The following RARB variants were observed in gnomAD, a reference collection of about 807,000 sequenced individuals.
RARB encodes retinoic acid receptor beta.
RARB carries 17 observed loss-of-function variants against 51.9 expected under a neutral mutation model. The ratio of observed to expected loss-of-function variants is 0.33; its 90% CI spans 0.22 to 0.49. The LOEUF is 0.49. Among genes scored for constraint, RARB ranks in the 20% least tolerant of loss-of-function variants. The pLI, the probability that RARB is intolerant of heterozygous loss-of-function variation, is 0.99. For missense variants in RARB, 369 were observed against 550.8 expected, an observed-to-expected ratio of 0.67 and a Z score of 3.30; for synonymous variants, 215 against 195.4, an observed-to-expected ratio of 1.10 and a Z score of -0.84.
At chr3:24,944,928 G>T (rs1284115259) in intron 2 of RARB, among the ~76,000 whole-genome samples, 2 of 152,126 alleles carry the variant, frequency 1.3e-5, no homozygotes, top group African/African-American at 4.8e-5. Flanking sequence ...AGGGTTTGGA[G>T]GAGCTTAAAC....
At chr3:25,198,517 T>C (rs1352912796) in intron 5 of RARB, among the ~76,000 whole-genome samples, 2 of 151,956 alleles carry the variant, frequency 1.3e-5, no homozygotes, top group Admixed American at 1.3e-4. Flanking sequence ...TTGCAAACTA[T>C]CCATCTGACA....
chr3:25,151,960 G>A (rs951914839), intron 4 of RARB, among the ~76,000 whole-genome samples: 2 of 151,840 alleles, frequency 1.3e-5, no homozygotes, highest in African/African-American at 2.4e-5. Flanking sequence ...CCTGGGCAAC[G>A]TGAGCAGAGG....
At chr3:25,222,804 T>C (rs1701975631) in intron 5 of RARB, among the ~76,000 whole-genome samples, 1 of 152,200 alleles carries the variant, frequency 6.6e-6, no homozygotes, top group Non-Finnish European at 1.5e-5. Context: ...TGATTTTTTA[T>C]TCTCACCTTC....
chr3:25,084,630 G>A (rs1699071967), intron 3 of RARB, among the ~76,000 whole-genome samples: 1 of 151,924 alleles, frequency 6.6e-6, no homozygotes, highest in Admixed American at 6.6e-5. Flanking sequence ...CCATTTTAAA[G>A]GAGATGTATG....
At chr3:24,968,574 A>G (rs1019446880) in intron 2 of RARB, among the ~76,000 whole-genome samples, 1 of 152,066 alleles carries the variant, frequency 6.6e-6, no homozygotes, top group Non-Finnish European at 1.5e-5. Context: ...GGTGACCTGG[A>G]GATTGGTTAG....
At chr3:25,459,883 G>A (rs1695088878) in intron 1 of RARB, among the ~76,000 whole-genome samples, 1 of 152,112 alleles carries the variant, frequency 6.6e-6, no homozygotes, top group Non-Finnish European at 1.5e-5. Context: ...TCTCCTTCCC[G>A]ATTTCCATCT....
At chr3:24,898,037 C>T (rs1351872901) in intron 2 of RARB, among the ~76,000 whole-genome samples, 1 of 152,110 alleles carries the variant, frequency 6.6e-6, no homozygotes, top group African/African-American at 2.4e-5. Flanking sequence ...CTTTAGACCT[C>T]ATGGTTTATT....
At chr3:24,906,634 G>A (rs1047377849) in intron 2 of RARB, among the ~76,000 whole-genome samples, 3 of 152,018 alleles carry the variant, frequency 2.0e-5, no homozygotes, top group Non-Finnish European at 4.4e-5. Flanking sequence ...CCTGAGGTCA[G>A]GAGCTCGAGA....
chr3:25,208,986 C>T (rs533712342), intron 5 of RARB, among the ~76,000 whole-genome samples: 9 of 152,312 alleles, frequency 5.9e-5, no homozygotes, highest in Admixed American at 2.0e-4. Flanking sequence ...CTAATGTTTG[C>T]AAACAAACAT....
chr3:24,896,552 C>A (rs906146319), intron 2 of RARB, among the ~76,000 whole-genome samples: 7 of 152,146 alleles, frequency 4.6e-5, no homozygotes, highest in African/African-American at 1.4e-4. Flanking sequence ...AGCCACCGCG[C>A]CTGGCCCTGG....
intron 2 of RARB, among the ~76,000 whole-genome samples, chr3:24,998,973 A>T (rs1697101596): frequency 6.6e-6 from 1 of 152,252 alleles, no homozygotes; most frequent in African/African-American, 2.4e-5. Flanking sequence ...TACCCTAAAA[A>T]TGAAAAAACT....
chr3:25,450,477 A>G (rs6793694), intron 1 of RARB, among the ~76,000 whole-genome samples: 100,835 of 151,970 alleles, frequency 0.66, 33,848 homozygotes, highest in East Asian at 0.82. Context: ...TACCATCTGC[A>G]TTGTAGGACT....
At chr3:25,316,979 C>G (rs1704443310) in intron 5 of RARB, among the ~76,000 whole-genome samples, 1 of 152,116 alleles carries the variant, frequency 6.6e-6, no homozygotes, top group Non-Finnish European at 1.5e-5. Flanking sequence ...CCAAGGTCCT[C>G]TGCTTCCCCT....
At chr3:25,242,493 G>A (rs921437193) in intron 5 of RARB, among the ~76,000 whole-genome samples, 1 of 152,130 alleles carries the variant, frequency 6.6e-6, no homozygotes, top group African/African-American at 2.4e-5. Flanking sequence ...TAAGGTGAAA[G>A]GAAGGGGTCC....
intron 2 of RARB, among the ~76,000 whole-genome samples, chr3:25,494,349 G>T (rs1482973700): frequency 6.6e-6 from 1 of 150,988 alleles, no homozygotes; most frequent in South Asian, 2.1e-4. Context: ...CCTGATCTCT[G>T]TTGCTTACCC....
chr3:25,251,451 T>C (rs1702717806), intron 5 of RARB, among the ~76,000 whole-genome samples: 1 of 152,148 alleles, frequency 6.6e-6, no homozygotes, highest in African/African-American at 2.4e-5. Flanking sequence ...TTTCAAACTA[T>C]TTTCCAAAGT....
chr3:25,209,765 CA>C (rs1442573478), intron 5 of RARB, among the ~76,000 whole-genome samples: 4 of 152,140 alleles, frequency 2.6e-5, no homozygotes, highest in African/African-American at 9.7e-5. Context: ...ACTTGCAATG[CA>C]GTCCTATTCA....
At chr3:25,436,610 G>A (rs1459764104) in intron 1 of RARB, among the ~76,000 whole-genome samples, 1 of 152,136 alleles carries the variant, frequency 6.6e-6, no homozygotes, top group Non-Finnish European at 1.5e-5. Flanking sequence ...GGAAAGTTGG[G>A]GGATGCAGAT....
At chr3:24,951,541 C>CAA (rs1352118846) in intron 2 of RARB, among the ~76,000 whole-genome samples, 4 of 152,146 alleles carry the variant, frequency 2.6e-5, no homozygotes, top group Non-Finnish European at 1.5e-5. Flanking sequence ...TTCCTAGTGA[C>CAA]AAAGTTTTGG....
Sources: gnomAD v4.1 joint callset for allele counts (sites outside exome capture counted in the v4.1 genomes callset) on GRCh38, gnomAD v4.1.1 for gene constraint, MANE v1.5 for transcripts, NCBI Gene and HGNC (gene_info 2026-07-23, HGNC 2026-07-21) for gene names.